The following TNFRSF10D variants were observed in gnomAD, a reference collection of about 807,000 sequenced individuals.
TNFRSF10D encodes the protein tumor necrosis factor receptor superfamily member 10D.
TNFRSF10D carries 28 observed loss-of-function variants against 42.1 expected under a neutral mutation model. The ratio of observed to expected loss-of-function variants is 0.66; its 90% CI spans 0.49 to 0.91. The LOEUF is 0.91. Among genes scored for constraint, TNFRSF10D ranks in the 40% least tolerant of loss-of-function variants. TNFRSF10D has a pLI of 0.00. For missense variants in TNFRSF10D, 503 were observed against 486.1 expected (o/e 1.03, Z -0.33); for synonymous variants, 186 against 189.4 (o/e 0.98, Z 0.15).
intron 1 of TNFRSF10D, among the ~76,000 whole-genome samples, chr8:23,157,121 A>G (rs947253271): frequency 6.6e-6 from 1 of 152,134 alleles, no homozygotes; most frequent in Non-Finnish European, 1.5e-5. Flanking sequence ...TAGCTATGCA[A>G]TCATCACTAT....
At chr8:23,156,409 T>C (rs969063944) in intron 1 of TNFRSF10D, among the ~76,000 whole-genome samples, 2 of 152,282 alleles carry the variant, frequency 1.3e-5, no homozygotes, top group African/African-American at 4.8e-5. Flanking sequence ...AAAGCCTGCC[T>C]AGTAGTTGGT....
intron 1 of TNFRSF10D, among the ~76,000 whole-genome samples, chr8:23,156,701 C>A (rs1402536398): frequency 4.3e-3 from 658 of 151,512 alleles, no homozygotes; most frequent in African/African-American, 0.014. Flanking sequence ...GTGGCCGGGA[C>A]CACAGACAGG....
chr8:23,152,133 A>G (rs1217937358), intron 2 of TNFRSF10D, among the ~76,000 whole-genome samples: 846 of 152,100 alleles, frequency 5.6e-3, no homozygotes, highest in African/African-American at 0.017. Flanking sequence ...TAAGAGAGCC[A>G]AGATGGAGAA....
At chr8:23,145,309 C>T (rs1377777564) in intron 5 of TNFRSF10D, among the ~76,000 whole-genome samples, 1 of 152,218 alleles carries the variant, frequency 6.6e-6, no homozygotes, top group African/African-American at 2.4e-5. Flanking sequence ...TCTCTGTGTT[C>T]TGCTCTGACC....
chr8:23,145,898 A>G lies in TNFRSF10D; in HGVS notation c.506T>C (p.Val169Ala). Reference protein sequence around the residue: ...RTGCPRGMVKVSNCTPRSDIK... With the variant: ...RTGCPRGMVKASNCTPRSDIK... ...GTCACTCCGGGGCGTACAATTACTGACCTTGACCATCCCTCTGGGACACCT... is the reference window on the plus strand; with the variant it reads ...GTCACTCCGGGGCGTACAATTACTGGCCTTGACCATCCCTCTGGGACACCT... Residue 169 changes from valine to alanine, a missense_variant, in exon 5 of 9, where the codon GTC becomes GCC. Transcript: ENST00000312584. 1 of 1,614,058 alleles carries G rather than the reference A, an allele frequency of 6.2e-7. No individual in the cohort carries two copies. The highest frequency in any genetic ancestry group is 8.5e-7 in the Non-Finnish European group (1 of 1,180,002).
intron 7 of TNFRSF10D, among the ~76,000 whole-genome samples, chr8:23,141,477 C>A: frequency 6.6e-6 from 1 of 150,800 alleles, no homozygotes. Context: ...TGAATTCCAG[C>A]CTAGGTGACA....
In TNFRSF10D at chr8:23,152,321, G is replaced by C. The variant is rs577371056; in HGVS notation, c.256+2553C>G. On this transcript the variant is annotated intron_variant, in intron 2 of 8. Coordinates refer to ENST00000312584, the MANE Select transcript of TNFRSF10D (RefSeq NM_003840.5). ...GTCCGAGGACACTAACCGGTGTGTG[G>C]GGAGCAAGAGACAGAGAGAGAGGAC... is the stretch of plus-strand genomic sequence containing the variant. Among the ~76,000 whole-genome samples the C allele has an allele frequency of 5.9e-5, 9 of 152,274 alleles. No individual in the cohort carries two copies. The South Asian group carries it at 1.9e-3, about 32-fold the overall frequency.
intron 3 of TNFRSF10D, among the ~76,000 whole-genome samples, chr8:23,147,973 G>A (rs1340359324): frequency 6.7e-6 from 1 of 150,332 alleles, no homozygotes; most frequent in African/African-American, 2.4e-5. Context: ...GCTGAGGCAG[G>A]AGAATGGCGT....
chr8:23,136,214 C>A lies in TNFRSF10D; in HGVS notation c.*1656G>T. On this transcript the variant is annotated 3_prime_UTR_variant, in exon 9 of 9. Transcript: ENST00000312584. ...AGAGTTTGCTGGAAAGAAGCTAAAA[C>A]GATTACTGAGGTTTTTAAATAAAAT... 1 of 239,848 alleles carries A rather than the reference C, an allele frequency of 4.2e-6. No homozygotes were observed. The highest frequency in any genetic ancestry group is 8.3e-6 in the Non-Finnish European group (1 of 119,842). The allele number at this position is 239,848 out of a possible 1,614,324, so 14.9% of individuals were successfully genotyped here.
At chr8:23,160,460 G>A (rs1270715416) in intron 1 of TNFRSF10D, among the ~76,000 whole-genome samples, 1 of 152,174 alleles carries the variant, frequency 6.6e-6, no homozygotes, top group Non-Finnish European at 1.5e-5. Context: ...CCCTTCAGAG[G>A]CCCAAATATG....
chr8:23,150,746 A>T (rs533366963), intron 2 of TNFRSF10D, among the ~76,000 whole-genome samples: 923 of 152,246 alleles, frequency 6.1e-3, no homozygotes, highest in African/African-American at 0.019. Context: ...AATTAACAAC[A>T]ACACAATATC....
chr8:23,159,405 A>C (rs1379460631), intron 1 of TNFRSF10D, among the ~76,000 whole-genome samples: 1 of 152,216 alleles, frequency 6.6e-6, no homozygotes, highest in Non-Finnish European at 1.5e-5. Flanking sequence ...AAGGATGAGA[A>C]GTCGAGGCCA....
Position 23,136,035 on chromosome 8 carries a change from C to A in TNFRSF10D, c.*1835G>T. 1 of 407,240 alleles carries A rather than the reference C, an allele frequency of 2.5e-6. No individual in the cohort carries two copies. The highest frequency in any genetic ancestry group is 1.8e-5 in the South Asian group (1 of 55,124). The allele number at this position is 407,240 out of a possible 1,614,324, so 25.2% of individuals were successfully genotyped here. ...CCCTCCTAAAACTCCATGGACACAA[C>A]AATCTGAATGTGCGAACTTCAGGCA... On this transcript the variant is annotated 3_prime_UTR_variant, in exon 9 of 9. Transcript: ENST00000312584.
At chr8:23,140,276 A>G (rs147449365) in intron 7 of TNFRSF10D, among the ~76,000 whole-genome samples, 8,822 of 151,586 alleles carry the variant, frequency 0.058, 363 homozygotes, top group African/African-American at 0.12. Context: ...GTGACAGAGC[A>G]AGACTCTGTC....
intron 1 of TNFRSF10D, among the ~76,000 whole-genome samples, chr8:23,157,536 G>C (rs1184968463): frequency 1.3e-5 from 2 of 152,138 alleles, no homozygotes; most frequent in South Asian, 4.2e-4. Flanking sequence ...TTCCACTCCT[G>C]CTCTTTAAAT....
chr8:23,155,382 G>T (rs545342828), intron 1 of TNFRSF10D, among the ~76,000 whole-genome samples: 54 of 151,914 alleles, frequency 3.6e-4, no homozygotes, highest in African/African-American at 1.3e-3. Context: ...AAGCAAGTTG[G>T]GTAACAGGAA....
intron 2 of TNFRSF10D, among the ~76,000 whole-genome samples, chr8:23,150,343 G>A (rs1262168646): frequency 6.6e-6 from 1 of 152,152 alleles, no homozygotes; most frequent in Non-Finnish European, 1.5e-5. Context: ...TACTGGCTCT[G>A]ACCACCCTTG....
intron 2 of TNFRSF10D, among the ~76,000 whole-genome samples, chr8:23,149,083 G>A (rs565572309): frequency 1.1e-4 from 17 of 149,996 alleles, no homozygotes; most frequent in Admixed American, 4.6e-4. Context: ...CTAGCTACTC[G>A]GGAGGCTGAG....
chr8:23,160,101 C>G (rs1389683392), intron 1 of TNFRSF10D, among the ~76,000 whole-genome samples: 1 of 152,150 alleles, frequency 6.6e-6, no homozygotes, highest in Non-Finnish European at 1.5e-5. Flanking sequence ...ATCAGGCCTC[C>G]CTCATGCTAC....
Sources: gnomAD v4.1 joint callset for allele counts (sites outside exome capture counted in the v4.1 genomes callset) on GRCh38, gnomAD v4.1.1 for gene constraint, MANE v1.5 for transcripts, NCBI Gene and HGNC (gene_info 2026-07-23, HGNC 2026-07-21) for gene names.